Variants in MS4A4A observed in about 807,000 individuals in gnomAD.
MS4A4A encodes membrane-spanning 4-domains subfamily A member 4A.
Under a neutral mutation model 28.0 loss-of-function variants are expected in MS4A4A, and 26 were observed. That is an observed-to-expected ratio of 0.93 (90% CI 0.68 to 1.29). The LOEUF (loss-of-function observed/expected upper bound fraction) is 1.29, where lower values mean the gene tolerates loss of function less well. MS4A4A is among the 50% of genes most tolerant of loss of function. The pLI is 0.00. For missense variants in MS4A4A, 290 were observed against 293.1 expected (o/e 0.99, Z 0.08); for synonymous variants, 86 against 100.8 (o/e 0.85, Z 0.88).
chr11:60,283,407 GCTGGA>G (rs1395596897), intron 1 of MS4A4A, among the ~76,000 whole-genome samples: 3 of 152,224 alleles, frequency 2.0e-5, no homozygotes, highest in Admixed American at 2.0e-4. Context: ...GTAGTTAATT[GCTGGA>G]CCTTCCACCA....
At chr11:60,284,275 G>A (rs961338966) in intron 1 of MS4A4A, among the ~76,000 whole-genome samples, 1 of 152,220 alleles carries the variant, frequency 6.6e-6, no homozygotes, top group Admixed American at 6.5e-5. Context: ...ACCAGTGCGT[G>A]TCACTTAATA....
Position 60,297,060 on chromosome 11 carries a change from G to A in MS4A4A, c.202-137G>A, listed in dbSNP as rs549950768. ...TCACGGTTATTTATGTGAAAAAAGA[G>A]TGATAAGAGAATACTAAGAAGGTCA... On this transcript the variant is annotated intron_variant, in intron 2 of 6. Coordinates refer to ENST00000337908, the MANE Select transcript of MS4A4A (RefSeq NM_148975.3). 287 of 1,001,714 alleles carry A rather than the reference G, an allele frequency of 2.9e-4. No individual in the cohort carries two copies. In the Middle Eastern group the frequency reaches 3.8e-3, roughly 13 times the overall value. The allele number at this position is 1,001,714 out of a possible 1,614,324, so 62.1% of individuals were successfully genotyped here. A position where few individuals can be genotyped will look rare whatever the true frequency, so the allele number is the denominator to read the frequency against.
intron 2 of MS4A4A, among the ~76,000 whole-genome samples, chr11:60,293,247 G>A (rs956489988): frequency 1.5e-4 from 23 of 152,130 alleles, no homozygotes; most frequent in African/African-American, 4.6e-4. Flanking sequence ...TAGTAGAGAC[G>A]GGGTTTCAGC....
chr11:60,292,211 A>G lies in MS4A4A; in HGVS notation c.42-14A>G, dbSNP rs1590754252. 6.5e-7 allele frequency: 1 copy of G among 1,527,710 alleles called. No homozygotes were observed. The highest frequency in any genetic ancestry group is 8.8e-7 in the Non-Finnish European group (1 of 1,141,810). 94.6% of individuals were successfully genotyped at this position (1,527,710 alleles called of 1,614,324 possible). ...TTTCCAGGACATCATACTAAATTAC[A>G]TTTCTTATTGTAGCACCTTTTCTGC... On this transcript the variant is annotated splice_polypyrimidine_tract_variant and intron_variant, in intron 1 of 6. Coordinates refer to ENST00000337908, the MANE Select transcript of MS4A4A (RefSeq NM_148975.3).
chr11:60,290,093 G>A, intron 1 of MS4A4A: 1 of 445,396 alleles, frequency 2.2e-6, no homozygotes, highest in Middle Eastern at 3.3e-4. Flanking sequence ...GACTCCAATG[G>A]AGGACTTATT....
intron 1 of MS4A4A, 97 bp downstream of exon 1, chr11:60,280,813 A>C: frequency 7.0e-7 from 1 of 1,428,406 alleles, no homozygotes; most frequent in East Asian, 2.4e-5. Context: ...AAGAATAATG[A>C]GGCCACTTCC....
intron 2 of MS4A4A, among the ~76,000 whole-genome samples, chr11:60,294,739 A>G (rs2084887362): frequency 6.6e-6 from 1 of 152,080 alleles, no homozygotes; most frequent in African/African-American, 2.4e-5. Context: ...CTCATTACCA[A>G]AGATCACTTG....
chr11:60,289,316 T>G (rs968035635), intron 1 of MS4A4A, among the ~76,000 whole-genome samples: 1 of 152,070 alleles, frequency 6.6e-6, no homozygotes, highest in Admixed American at 6.5e-5. Flanking sequence ...GTAGTAAGAT[T>G]ACAGGTATCC....
At chr11:60,290,333 C>T (rs2084844173) in intron 1 of MS4A4A, 1 of 160,052 alleles carries the variant, frequency 6.2e-6, no homozygotes, top group South Asian at 1.7e-4. Flanking sequence ...TTCTTTCATA[C>T]TCTCACTACA....
chr11:60,300,936 T>G, intron 3 of MS4A4A, 65 bp from the exon 4 acceptor site: 1 of 1,166,452 alleles, frequency 8.6e-7, no homozygotes, highest in Non-Finnish European at 1.2e-6. Flanking sequence ...GAATTAAGTT[T>G]AGTAAGTTAT....
chr11:60,287,106 G>A (rs960372042), intron 1 of MS4A4A, among the ~76,000 whole-genome samples: 3 of 152,166 alleles, frequency 2.0e-5, no homozygotes, highest in African/African-American at 7.2e-5. Flanking sequence ...ACTATTTTAA[G>A]GTGACAATAA....
At chr11:60,305,775 T>C in intron 5 of MS4A4A, 2 of 216,116 alleles carry the variant, frequency 9.3e-6, no homozygotes, top group Non-Finnish European at 1.8e-5. Context: ...CTCAATGATA[T>C]GAGTTTCTAG....
In MS4A4A at chr11:60,308,129, A is replaced by T; in HGVS notation, c.671A>T (p.His224Leu). Residue 224 changes from histidine to leucine, a missense_variant, in exon 7 of 7, where the codon CAT becomes CTT. Physicochemically the swap from His to Leu is moderately conservative, Grantham distance 99. Coordinates refer to ENST00000337908, the MANE Select transcript of MS4A4A (RefSeq NM_148975.3). ...CAGGTTGTGTTAATTCTGCCATCACATTCTCACATGGCAGAAACAGCATCT... is the reference window on the plus strand; with the variant it reads ...CAGGTTGTGTTAATTCTGCCATCACTTTCTCACATGGCAGAAACAGCATCT... ...PGGVVLILPSHSHMAETASPT... is the reference protein window; with the variant it reads ...PGGVVLILPSLSHMAETASPT... 6.2e-7 allele frequency: 1 copy of T among 1,614,010 alleles called. No homozygotes were observed. Among genetic ancestry groups the T allele is most frequent in the Non-Finnish European group, 8.5e-7 (1 of 1,179,936 alleles).
At chr11:60,306,332 C>A in intron 6 of MS4A4A, 131 bp downstream of exon 6, 3 of 770,386 alleles carry the variant, frequency 3.9e-6, no homozygotes, top group Non-Finnish European at 6.4e-6. Context: ...AGAGTCTGAG[C>A]CCAGCTGAAG....
chr11:60,298,451 A>G (rs2084924290), intron 3 of MS4A4A, among the ~76,000 whole-genome samples: 2 of 152,254 alleles, frequency 1.3e-5, no homozygotes, highest in Admixed American at 6.5e-5. Flanking sequence ...AACAGCTCTT[A>G]TTAAACTCTT....
Position 60,306,130 on chromosome 11 carries a change from G to A in MS4A4A, c.577G>A (p.Val193Met). Residue 193 changes from valine to methionine, a missense_variant, in exon 6 of 7, where the codon GTG (valine) becomes ATG (methionine). Coordinates refer to ENST00000337908, the MANE Select transcript of MS4A4A (RefSeq NM_148975.3). ...GLDGMVLLLSVLEFCIAVSLS... is the reference protein window; with the variant it reads ...GLDGMVLLLSMLEFCIAVSLS... ...GGATGGCATGGTGCTCCTCCTAAGTGTGCTGGAATTCTGCATTGCTGTGTC... is the reference window on the plus strand; with the variant it reads ...GGATGGCATGGTGCTCCTCCTAAGTATGCTGGAATTCTGCATTGCTGTGTC... 6.2e-7 allele frequency: 1 copy of A among 1,614,014 alleles called. No individual in the cohort carries two copies. Among genetic ancestry groups the A allele is most frequent in the Non-Finnish European group, 8.5e-7 (1 of 1,179,832 alleles).
chr11:60,307,650 C>T (rs1054691659), intron 6 of MS4A4A, among the ~76,000 whole-genome samples: 1 of 152,200 alleles, frequency 6.6e-6, no homozygotes, highest in Non-Finnish European at 1.5e-5. Context: ...CCCTATGTCA[C>T]ACTGACTTTG....
At chr11:60,296,503 C>T (rs2084906763) in intron 2 of MS4A4A, among the ~76,000 whole-genome samples, 1 of 151,912 alleles carries the variant, frequency 6.6e-6, no homozygotes, top group African/African-American at 2.4e-5. Flanking sequence ...AGCTCTTCTT[C>T]TGTTTATTTG....
At chr11:60,306,072 C>A in intron 5 of MS4A4A, 28 bp from the exon 6 acceptor site, 1 of 1,531,918 alleles carries the variant, frequency 6.5e-7, no homozygotes, top group Non-Finnish European at 9.0e-7. Flanking sequence ...CCATTTCTCA[C>A]ATTCCTTTGT....
Sources: gnomAD v4.1 joint callset for allele counts (sites outside exome capture counted in the v4.1 genomes callset) on GRCh38, gnomAD v4.1.1 for gene constraint, MANE v1.5 for transcripts, NCBI Gene and HGNC (gene_info 2026-07-23, HGNC 2026-07-21) for gene names.